NRXN1: variants seen among roughly 807,000 people sequenced by gnomAD.
NRXN1 encodes neurexin 1.
NRXN1 carries 39 observed loss-of-function variants against 150.9 expected under a neutral mutation model. That is an observed-to-expected ratio of 0.26 (90% CI 0.20 to 0.34). NRXN1 has a LOEUF of 0.34. Among genes scored for constraint, NRXN1 ranks in the 10% least tolerant of loss-of-function variants. NRXN1 has a pLI of 1.00. For synonymous variants in NRXN1, 924 were observed against 757.0 expected (o/e 1.22, Z -3.62); for missense variants, 1,815 against 1,949.9 (o/e 0.93, Z 1.30).
At chr2:50,454,280 C>G (rs1184516598) in intron 17 of NRXN1, among the ~76,000 whole-genome samples, 1 of 152,130 alleles carries the variant, frequency 6.6e-6, no homozygotes. Context: ...GAGCCAAAAT[C>G]ATGCCACTGC....
chr2:50,733,298 C>T (rs1698324571), intron 5 of NRXN1, among the ~76,000 whole-genome samples: 1 of 151,952 alleles, frequency 6.6e-6, no homozygotes, highest in East Asian at 1.9e-4. Flanking sequence ...AGAAACCAAC[C>T]CAAGACAAGT....
chr2:50,232,805 G>A (rs1477212022), intron 18 of NRXN1, among the ~76,000 whole-genome samples: 1 of 151,994 alleles, frequency 6.6e-6, no homozygotes, highest in East Asian at 1.9e-4. Flanking sequence ...TGATAAAAGT[G>A]AATTACAATA....
At chr2:50,620,934 C>A (rs1162561312) in intron 7 of NRXN1, 3 of 361,760 alleles carry the variant, frequency 8.3e-6, no homozygotes, top group Non-Finnish European at 1.5e-5. Flanking sequence ...GTCACTCGGG[C>A]CAGCCACCAT....
At chr2:50,234,705 G>C (rs763295171) in intron 18 of NRXN1, among the ~76,000 whole-genome samples, 1 of 151,942 alleles carries the variant, frequency 6.6e-6, no homozygotes, top group Non-Finnish European at 1.5e-5. Flanking sequence ...AGGAGGACAC[G>C]GTTTACGAGC....
intron 21 of NRXN1, among the ~76,000 whole-genome samples, chr2:49,998,515 T>A (rs1319236848): frequency 6.6e-6 from 1 of 152,148 alleles, no homozygotes; most frequent in South Asian, 2.1e-4. Flanking sequence ...TACCCAGTAT[T>A]TTTTTGCTAC....
At chr2:50,268,928 G>A (rs1223410916) in intron 17 of NRXN1, among the ~76,000 whole-genome samples, 1 of 152,148 alleles carries the variant, frequency 6.6e-6, no homozygotes, top group Non-Finnish European at 1.5e-5. Flanking sequence ...CTTCATGCCT[G>A]TATTTTAAAA....
chr2:50,682,514 T>C (rs777904986), intron 5 of NRXN1, among the ~76,000 whole-genome samples: 7 of 152,170 alleles, frequency 4.6e-5, no homozygotes, highest in Non-Finnish European at 7.3e-5. Context: ...CATCGTGACT[T>C]GGTTGACACA....
chr2:50,918,801 C>G (rs1685581440), intron 5 of NRXN1: 1 of 270,144 alleles, frequency 3.7e-6, no homozygotes, highest in South Asian at 1.7e-4. Flanking sequence ...TTAGCATTAT[C>G]AATGATCCTA....
At chr2:50,769,624 A>G (rs940242397) in intron 5 of NRXN1, among the ~76,000 whole-genome samples, 1 of 152,084 alleles carries the variant, frequency 6.6e-6, no homozygotes, top group African/African-American at 2.4e-5. Flanking sequence ...CGTTGCCTGG[A>G]AACGGCCTGA....
intron 2 of NRXN1, chr2:50,979,169 T>G: frequency 2.1e-6 from 1 of 481,002 alleles, no homozygotes; most frequent in Admixed American, 2.2e-5. Flanking sequence ...ATAACTTACA[T>G]GGTCATCGTA....
intron 21 of NRXN1, chr2:50,016,676 G>C (rs1171797315): frequency 1.3e-5 from 2 of 152,038 alleles, no homozygotes; most frequent in Non-Finnish European, 2.9e-5. Context: ...GAACAGCATG[G>C]GGAAAACCAC....
intron 21 of NRXN1, among the ~76,000 whole-genome samples, chr2:50,033,255 C>A (rs113539784): frequency 6.6e-6 from 1 of 151,934 alleles, no homozygotes; most frequent in African/African-American, 2.4e-5. Flanking sequence ...ACCAAAGCAC[C>A]ATGGTACTGG....
intron 21 of NRXN1, among the ~76,000 whole-genome samples, chr2:50,036,022 A>C (rs1689976246): frequency 6.6e-6 from 1 of 152,086 alleles, no homozygotes; most frequent in Admixed American, 6.6e-5. Flanking sequence ...CACAACCTTT[A>C]CCTAGGAGAC....
At chr2:50,703,654 C>T (rs772820332) in intron 5 of NRXN1, among the ~76,000 whole-genome samples, 4 of 152,118 alleles carry the variant, frequency 2.6e-5, no homozygotes, top group Admixed American at 6.5e-5. Flanking sequence ...AGACTACTTA[C>T]AGTAATTTAA....
intron 17 of NRXN1, among the ~76,000 whole-genome samples, chr2:50,255,043 A>G (rs1181939767): frequency 2.0e-5 from 3 of 152,064 alleles, no homozygotes; most frequent in African/African-American, 7.2e-5. Context: ...CCTGGGCTCA[A>G]GCGATCCACC....
At chr2:50,315,426 T>A (rs1231166381) in intron 17 of NRXN1, among the ~76,000 whole-genome samples, 1 of 152,152 alleles carries the variant, frequency 6.6e-6, no homozygotes, top group Non-Finnish European at 1.5e-5. Flanking sequence ...ATGGAATCTA[T>A]AAGCATTACA....
At chr2:50,732,996 C>G (rs1187671007) in intron 5 of NRXN1, among the ~76,000 whole-genome samples, 2 of 152,138 alleles carry the variant, frequency 1.3e-5, no homozygotes, top group African/African-American at 4.8e-5. Context: ...TACTTTCAAA[C>G]CAGACACTAT....
intron 21 of NRXN1, among the ~76,000 whole-genome samples, chr2:49,975,961 C>T (rs1210235765): frequency 6.6e-6 from 1 of 151,238 alleles, no homozygotes; most frequent in African/African-American, 2.4e-5. Flanking sequence ...ATAGGCTATA[C>T]TTACTTACAT....
Position 50,514,599 on chromosome 2 carries a change from C to T in NRXN1, c.2375-7982G>A, listed in dbSNP as rs114981627. 6.6e-3 allele frequency among the ~76,000 whole-genome samples: 1,010 copies of T among 152,188 alleles called. 5 individuals carry two copies. The highest frequency in any genetic ancestry group is 0.024 in the African/African-American group (977 of 41,534). On this transcript the variant is annotated intron_variant, in intron 12 of 22. Transcript: ENST00000401669. ...AGACAGTAAATTTATTTGACTTTGC[C>T]GACCATGTGTTCACCATTGCAACTC... is the stretch of plus-strand genomic sequence containing the variant.
Sources: allele counts gnomAD v4.1 joint callset (sites outside exome capture counted in the v4.1 genomes callset), GRCh38; gene constraint gnomAD v4.1.1; transcripts MANE v1.5; gene names NCBI Gene and HGNC (gene_info 2026-07-23, HGNC 2026-07-21).